SPIRE1: variants seen among roughly 807,000 people sequenced by gnomAD.
The protein encoded by SPIRE1 is spire type actin nucleation factor 1, also known as protein spire homolog 1.
Under a neutral mutation model 94.1 loss-of-function variants are expected in SPIRE1, and 40 were observed. The ratio of observed to expected loss-of-function variants is 0.43; its 90% CI spans 0.33 to 0.55. SPIRE1 has a LOEUF of 0.55. SPIRE1 is among the 20% of genes least tolerant of loss of function. The probability of loss-of-function intolerance (pLI) is 0.06; values close to 1 mark genes in which losing one functional copy is unlikely to be tolerated. For missense variants in SPIRE1, 838 were observed against 975.2 expected, an observed-to-expected ratio of 0.86 and a Z score of 1.87; for synonymous variants, 376 against 371.7, an observed-to-expected ratio of 1.01 and a Z score of -0.13.
Position 12,576,537 on chromosome 18 carries a change from G to A in SPIRE1, c.373-29633C>T, listed in dbSNP as rs558217300. ...GCGGAGGTTGAGGTGAGCCGAGATC[G>A]TGCCACTGCACTCCAGCCTGGGCAT... On this transcript the variant is annotated intron_variant, in intron 2 of 16. Coordinates refer to ENST00000409402, the MANE Select transcript of SPIRE1 (RefSeq NM_001128626.2). Among the ~76,000 whole-genome samples the A allele has an allele frequency of 3.1e-4, 42 of 137,398 alleles. 1 individual carries two copies. Among genetic ancestry groups the A allele is most frequent in the East Asian group, 1.7e-3 (8 of 4,616 alleles). The allele number at this position is 137,398 out of a possible 152,430, so 90.1% of individuals were successfully genotyped here. A position where few individuals can be genotyped will look rare whatever the true frequency, so the allele number is the denominator to read the frequency against.
intron 4 of SPIRE1, among the ~76,000 whole-genome samples, chr18:12,516,440 T>C (rs1035052923): frequency 1.3e-5 from 2 of 152,104 alleles, no homozygotes; most frequent in African/African-American, 4.8e-5. Context: ...CTGCAGACGG[T>C]AGTAAGAGAC....
chr18:12,641,827 T>G (rs1473854001), intron 1 of SPIRE1, among the ~76,000 whole-genome samples: 1 of 150,366 alleles, frequency 6.7e-6, no homozygotes, highest in Non-Finnish European at 1.5e-5. Flanking sequence ...AAAAAGAATG[T>G]TATGCTTTTT....
intron 4 of SPIRE1, among the ~76,000 whole-genome samples, chr18:12,517,277 T>C (rs973845244): frequency 2.6e-5 from 4 of 152,204 alleles, no homozygotes; most frequent in African/African-American, 9.6e-5. Flanking sequence ...AAATATTTTA[T>C]ACTAAGTGAA....
At chr18:12,493,012 T>A in intron 8 of SPIRE1, 60 bp downstream of exon 8, 1 of 1,527,396 alleles carries the variant, frequency 6.5e-7, no homozygotes, top group Non-Finnish European at 8.8e-7. Context: ...GGGCTGGGTG[T>A]ATAAAGATCC....
chr18:12,635,169 C>A, intron 1 of SPIRE1, 73 bp from the exon 2 acceptor site: 1 of 799,358 alleles, frequency 1.3e-6, no homozygotes. Flanking sequence ...AATATTTGAG[C>A]TTCTCTGGCT....
chr18:12,499,064 CTTTTAT>C (rs2033565044), intron 6 of SPIRE1, among the ~76,000 whole-genome samples: 1 of 152,146 alleles, frequency 6.6e-6, no homozygotes, highest in South Asian at 2.1e-4. Context: ...TGTGTCTGGC[CTTTTAT>C]TTTTATCTTA....
upstream of SPIRE1, among the ~76,000 whole-genome samples, chr18:12,659,680 A>G (rs1355080112): frequency 6.6e-6 from 1 of 152,146 alleles, no homozygotes. Context: ...AAAAAAATAA[A>G]TAATAAATTG....
At chr18:12,536,642 C>CTAA (rs930319167) in intron 3 of SPIRE1, among the ~76,000 whole-genome samples, 5 of 152,194 alleles carry the variant, frequency 3.3e-5, no homozygotes, top group African/African-American at 1.2e-4. Flanking sequence ...CCCTAATGTC[C>CTAA]TTTACCATAC....
intron 6 of SPIRE1, among the ~76,000 whole-genome samples, chr18:12,502,682 G>C (rs1475036518): frequency 6.6e-6 from 1 of 151,992 alleles, no homozygotes; most frequent in East Asian, 1.9e-4. Context: ...TTAAACCATG[G>C]GGATAATTGG....
At chr18:12,636,166 T>G (rs911842493) in intron 1 of SPIRE1, among the ~76,000 whole-genome samples, 7 of 152,210 alleles carry the variant, frequency 4.6e-5, no homozygotes, top group Admixed American at 2.0e-4. Flanking sequence ...GTGCTGGGAT[T>G]ACAGGCGTGA....
At chr18:12,579,973 C>T (rs554880149) in intron 2 of SPIRE1, among the ~76,000 whole-genome samples, 89 of 152,306 alleles carry the variant, frequency 5.8e-4, no homozygotes, top group Admixed American at 1.1e-3. Context: ...TAAATACTTT[C>T]TTCTCTTGAT....
chr18:12,521,198 A>G (rs2034347897), intron 4 of SPIRE1, among the ~76,000 whole-genome samples: 1 of 152,190 alleles, frequency 6.6e-6, no homozygotes, highest in Non-Finnish European at 1.5e-5. Flanking sequence ...TAGGTAAAAT[A>G]TTTTTTAGTT....
chr18:12,453,039 A>G (rs2031322192), intron 14 of SPIRE1, 29 bp downstream of exon 14: 2 of 1,423,948 alleles, frequency 1.4e-6, no homozygotes, highest in Non-Finnish European at 9.6e-7. Context: ...TGTTAAATTT[A>G]TCTTTTCATC....
At chr18:12,513,489 CTTTATTTATTTA>C (rs10580270) in intron 4 of SPIRE1, among the ~76,000 whole-genome samples, 25,561 of 142,788 alleles carry the variant, frequency 0.18, 2,573 homozygotes, top group African/African-American at 0.26. Context: ...GAATACTTAA[CTTTATTTATTTA>C]TTTATTTATT....
chr18:12,601,214 G>C (rs908786495), intron 2 of SPIRE1, among the ~76,000 whole-genome samples: 2 of 149,756 alleles, frequency 1.3e-5, no homozygotes, highest in Non-Finnish European at 3.0e-5. Flanking sequence ...TAAGGTTCGA[G>C]ACCAGCCCAG....
chr18:12,613,773 G>A (rs964128951), intron 2 of SPIRE1, among the ~76,000 whole-genome samples: 2 of 151,992 alleles, frequency 1.3e-5, no homozygotes, highest in African/African-American at 2.4e-5. Context: ...GGTGGCATGC[G>A]CCTGCAATCT....
intron 1 of SPIRE1, among the ~76,000 whole-genome samples, chr18:12,657,308 T>G (rs1598594646): frequency 2.0e-5 from 3 of 151,622 alleles, no homozygotes; most frequent in South Asian, 2.1e-4. Context: ...CACAGCGGAT[T>G]TGCGCCGTCG....
intron 2 of SPIRE1, among the ~76,000 whole-genome samples, chr18:12,611,237 C>T (rs1292498232): frequency 6.6e-6 from 1 of 152,156 alleles, no homozygotes; most frequent in Non-Finnish European, 1.5e-5. Flanking sequence ...TGGCCCCCAC[C>T]CTCTTGGTAT....
intron 2 of SPIRE1, among the ~76,000 whole-genome samples, chr18:12,615,572 T>C (rs1464989321): frequency 9.4e-6 from 1 of 106,600 alleles, no homozygotes; most frequent in Non-Finnish European, 2.3e-5. Context: ...AATTTTAAGA[T>C]AACATTTTTC....
Sources: gnomAD v4.1 joint callset for allele counts (sites outside exome capture counted in the v4.1 genomes callset) on GRCh38, gnomAD v4.1.1 for gene constraint, MANE v1.5 for transcripts, NCBI Gene and HGNC (gene_info 2026-07-23, HGNC 2026-07-21) for gene names.